Variants in ADAMTS17 observed in about 807,000 individuals in gnomAD.
ADAMTS17 encodes A disintegrin and metalloproteinase with thrombospondin motifs 17.
In ADAMTS17, 113 loss-of-function variants were observed where a neutral mutation model predicts 141.5. The ratio of observed to expected loss-of-function variants is 0.80; its 90% confidence interval spans 0.69 to 0.93. The LOEUF is 0.93. Among genes scored for constraint, ADAMTS17 ranks in the 40% least tolerant of loss-of-function variants. The probability of loss-of-function intolerance (pLI) is 0.00; values close to 1 mark genes in which losing one functional copy is unlikely to be tolerated. For synonymous variants in ADAMTS17, 768 were observed against 630.6 expected, an observed-to-expected ratio of 1.22 and a Z score of -3.27; for missense variants, 1,659 against 1,517.9, an observed-to-expected ratio of 1.09 and a Z score of -1.54.
chr15:100,064,632 G>A (rs562950007), intron 15 of ADAMTS17, among the ~76,000 whole-genome samples: 4 of 152,214 alleles, frequency 2.6e-5, no homozygotes, highest in African/African-American at 9.6e-5. Flanking sequence ...CACCACCTTT[G>A]GCCATTTCAC....
At chr15:99,978,053 C>T (rs1044272869) in intron 20 of ADAMTS17, among the ~76,000 whole-genome samples, 8 of 152,192 alleles carry the variant, frequency 5.3e-5, no homozygotes, top group Non-Finnish European at 8.8e-5. Context: ...TCTCTGAATG[C>T]CACACGTGGT....
intron 18 of ADAMTS17, among the ~76,000 whole-genome samples, chr15:100,047,361 G>A: frequency 7.5e-6 from 1 of 132,526 alleles, no homozygotes; most frequent in Non-Finnish European, 1.5e-5. Context: ...CGTGATCTCT[G>A]TGACCCACAC....
chr15:100,116,160 C>A (rs76060173), intron 13 of ADAMTS17, among the ~76,000 whole-genome samples: 5,295 of 127,264 alleles, frequency 0.042, 362 homozygotes, highest in African/African-American at 0.18. Flanking sequence ...AAAAAAAAAC[C>A]CAACAACCCT....
chr15:100,087,510 C>T (rs1190979994), intron 15 of ADAMTS17, among the ~76,000 whole-genome samples: 1 of 152,122 alleles, frequency 6.6e-6, no homozygotes, highest in East Asian at 1.9e-4. Flanking sequence ...CATCCTGATA[C>T]CAAAGCCAGG....
intron 12 of ADAMTS17, among the ~76,000 whole-genome samples, chr15:100,121,563 G>T (rs2037452534): frequency 6.6e-6 from 1 of 152,108 alleles, no homozygotes; most frequent in Non-Finnish European, 1.5e-5. Flanking sequence ...CCTAAGAACA[G>T]AACCGTCAAG....
chr15:100,157,808 G>T (rs1306611625), intron 8 of ADAMTS17, among the ~76,000 whole-genome samples: 2 of 152,002 alleles, frequency 1.3e-5, no homozygotes, highest in Non-Finnish European at 1.5e-5. Flanking sequence ...TCAGTGTCAG[G>T]TATCTATCCA....
intron 7 of ADAMTS17, among the ~76,000 whole-genome samples, chr15:100,232,888 C>T (rs1472467668): frequency 2.0e-5 from 3 of 152,244 alleles, no homozygotes; most frequent in Non-Finnish European, 4.4e-5. Flanking sequence ...GGCCATCTCA[C>T]ACTCCACCCC....
At chr15:100,073,749 A>T (rs1737667693) in intron 15 of ADAMTS17, among the ~76,000 whole-genome samples, 2 of 58,602 alleles carry the variant, frequency 3.4e-5, no homozygotes, top group South Asian at 1.9e-3. Flanking sequence ...AACATCACAC[A>T]CTGGGGACTG....
chr15:100,000,908 G>T (rs557473084), intron 18 of ADAMTS17, among the ~76,000 whole-genome samples: 1 of 152,284 alleles, frequency 6.6e-6, no homozygotes, highest in Admixed American at 6.5e-5. Context: ...GAATAAAAAC[G>T]TATGCTTATT....
At chr15:100,018,897 G>C (rs1332146186) in intron 18 of ADAMTS17, among the ~76,000 whole-genome samples, 1 of 152,054 alleles carries the variant, frequency 6.6e-6, no homozygotes, top group African/African-American at 2.4e-5. Flanking sequence ...ACACGGTACT[G>C]GTGAGATGCT....
intron 3 of ADAMTS17, among the ~76,000 whole-genome samples, chr15:100,330,370 C>T (rs1029682271): frequency 2.0e-5 from 3 of 152,222 alleles, no homozygotes; most frequent in Non-Finnish European, 4.4e-5. Context: ...GACCCTCCCC[C>T]AGGGTTTCTG....
chr15:100,271,564 TC>T (rs1383710098), intron 4 of ADAMTS17, among the ~76,000 whole-genome samples: 1 of 139,282 alleles, frequency 7.2e-6, no homozygotes, highest in Non-Finnish European at 1.5e-5. Flanking sequence ...CTAAGTCCTT[TC>T]CCATTTTTTA....
chr15:100,074,577 C>G (rs1031174021), intron 15 of ADAMTS17, among the ~76,000 whole-genome samples: 1 of 151,932 alleles, frequency 6.6e-6, no homozygotes, highest in African/African-American at 2.4e-5. Context: ...CAGAATAAAC[C>G]TCACTTGGTG....
intron 10 of ADAMTS17, among the ~76,000 whole-genome samples, chr15:100,146,981 G>C (rs1265591491): frequency 1.3e-5 from 2 of 152,100 alleles, no homozygotes; most frequent in Non-Finnish European, 2.9e-5. Flanking sequence ...AACTTCATTA[G>C]CCATTTTAAT....
At chr15:100,082,348 G>C (rs556346874) in intron 15 of ADAMTS17, among the ~76,000 whole-genome samples, 72 of 151,192 alleles carry the variant, frequency 4.8e-4, no homozygotes, top group Middle Eastern at 3.5e-3. Context: ...ACAGGCGTGA[G>C]CCACCGTGCC....
At chr15:100,210,824 G>C (rs548490652) in intron 7 of ADAMTS17, among the ~76,000 whole-genome samples, 1 of 151,986 alleles carries the variant, frequency 6.6e-6, no homozygotes, top group Non-Finnish European at 1.5e-5. Context: ...AAAATTGGCC[G>C]GGCGCGGTGG....
chr15:100,176,452 T>G (rs542682611), intron 8 of ADAMTS17, among the ~76,000 whole-genome samples: 1 of 152,182 alleles, frequency 6.6e-6, no homozygotes, highest in Non-Finnish European at 1.5e-5. Context: ...GACATCTGGA[T>G]TTTTTAAAGA....
At chr15:99,976,569 A>C in intron 20 of ADAMTS17, 4 of 437,878 alleles carry the variant, frequency 9.1e-6, no homozygotes, top group South Asian at 8.5e-5. Context: ...TCTCTGCAAA[A>C]TGCAGATGTT....
intron 8 of ADAMTS17, among the ~76,000 whole-genome samples, chr15:100,177,977 A>T (rs1285109947): frequency 6.6e-6 from 1 of 150,978 alleles, no homozygotes; most frequent in Non-Finnish European, 1.5e-5. Context: ...TAATATAGCG[A>T]TTCCTGTTTT....
Sources: gnomAD v4.1 joint callset for allele counts (sites outside exome capture counted in the v4.1 genomes callset) on GRCh38, gnomAD v4.1.1 for gene constraint, MANE v1.5 for transcripts, NCBI Gene and HGNC (gene_info 2026-07-23, HGNC 2026-07-21) for gene names.